Variants in CFAP299 observed in about 807,000 individuals in gnomAD.
CFAP299 encodes the protein cilia- and flagella-associated protein 299.
In CFAP299, 21 loss-of-function variants were observed where a neutral mutation model predicts 27.0. That is an observed-to-expected ratio of 0.78 (90% CI 0.55 to 1.12). The LOEUF is 1.12. Among genes scored for constraint, CFAP299 ranks in the 50% most tolerant of loss-of-function variants. The pLI is 0.00. For missense variants in CFAP299, 310 were observed against 276.6 expected (o/e 1.12, Z -0.86); for synonymous variants, 104 against 98.1 (o/e 1.06, Z -0.36).
intron 3 of CFAP299, among the ~76,000 whole-genome samples, chr4:80,800,207 T>A (rs1284651604): frequency 2.7e-5 from 2 of 73,604 alleles, no homozygotes; most frequent in Non-Finnish European, 4.6e-5. Flanking sequence ...TAATATAATA[T>A]ATAATATATA....
intron 3 of CFAP299, among the ~76,000 whole-genome samples, chr4:80,739,399 T>C (rs1221988715): frequency 1.3e-5 from 2 of 152,194 alleles, no homozygotes; most frequent in African/African-American, 4.8e-5. Context: ...TATTTGTTGA[T>C]GTTTGATGGA....
chr4:80,544,948 A>G (rs1466793772), intron 2 of CFAP299, among the ~76,000 whole-genome samples: 1 of 152,234 alleles, frequency 6.6e-6, no homozygotes, highest in Non-Finnish European at 1.5e-5. Context: ...TCTAAGATCA[A>G]TCATATGCTT....
intron 3 of CFAP299, among the ~76,000 whole-genome samples, chr4:80,864,497 TATAC>T (rs1239733680): frequency 1.2e-4 from 17 of 147,402 alleles, no homozygotes; most frequent in African/African-American, 4.2e-4. Context: ...TACACATATA[TATAC>T]ATATATACCT....
intron 2 of CFAP299, among the ~76,000 whole-genome samples, chr4:80,439,890 G>T (rs915649473): frequency 2.0e-5 from 3 of 152,162 alleles, no homozygotes; most frequent in African/African-American, 7.2e-5. Context: ...CATTACTGAG[G>T]CTTGAGTAAG....
chr4:80,661,025 C>A (rs1740815304), intron 3 of CFAP299, among the ~76,000 whole-genome samples: 2 of 151,786 alleles, frequency 1.3e-5, no homozygotes, highest in South Asian at 4.2e-4. Flanking sequence ...AGTGCTAACT[C>A]CGTTAAAGTG....
intron 2 of CFAP299, among the ~76,000 whole-genome samples, chr4:80,377,169 C>A (rs918051629): frequency 2.6e-5 from 4 of 151,964 alleles, no homozygotes; most frequent in Non-Finnish European, 5.9e-5. Flanking sequence ...TGTATTTCTG[C>A]GTGTCCTATG....
chr4:80,633,176 T>C (rs1577957458), intron 3 of CFAP299, among the ~76,000 whole-genome samples: 1 of 152,140 alleles, frequency 6.6e-6, no homozygotes, highest in African/African-American at 2.4e-5. Context: ...GGGCCGGGTG[T>C]GGTGGCTCAC....
intron 3 of CFAP299, among the ~76,000 whole-genome samples, chr4:80,685,122 G>A (rs1720099990): frequency 6.6e-6 from 1 of 152,136 alleles, no homozygotes; most frequent in South Asian, 2.1e-4. Flanking sequence ...AATACTCTAT[G>A]CAATGCTATC....
At position 80,874,547 on chromosome 4, in the gene CFAP299, C is replaced by G. The variant is rs146074916; in HGVS notation, c.476+4412C>G. 2.1e-3 allele frequency among the ~76,000 whole-genome samples: 327 copies of G among 152,108 alleles called. 2 individuals are homozygous for G. Among genetic ancestry groups the G allele is most frequent in the African/African-American group, 7.5e-3 (313 of 41,498 alleles). ...TTTTGGAGGCTGGAAAATCCAAGAC[C>G]AAGGTGCTGGCAGAATTGCCATTTG... is the stretch of plus-strand genomic sequence containing the variant. On this transcript the variant is annotated intron_variant, in intron 4 of 5. Transcript: ENST00000358105.
chr4:80,405,169 C>T (rs1436505309), intron 2 of CFAP299, among the ~76,000 whole-genome samples: 1 of 152,140 alleles, frequency 6.6e-6, no homozygotes, highest in Non-Finnish European at 1.5e-5. Context: ...GCAAGAACTT[C>T]TGCAGGAAAA....
At chr4:80,531,163 A>T (rs987232385) in intron 2 of CFAP299, among the ~76,000 whole-genome samples, 4 of 152,170 alleles carry the variant, frequency 2.6e-5, no homozygotes, top group African/African-American at 4.8e-5. Context: ...GAGTGACAGG[A>T]GGGTAGAAAT....
intron 3 of CFAP299, among the ~76,000 whole-genome samples, chr4:80,799,425 TATA>T (rs1728124955): frequency 1.1e-5 from 1 of 92,642 alleles, no homozygotes; most frequent in South Asian, 3.4e-4. Context: ...AAGTAATATT[TATA>T]ATATATATAA....
At chr4:80,449,081 C>T (rs950228611) in intron 2 of CFAP299, among the ~76,000 whole-genome samples, 2 of 152,110 alleles carry the variant, frequency 1.3e-5, no homozygotes, top group African/African-American at 2.4e-5. Flanking sequence ...AATACTTTTG[C>T]GGATGGTCTT....
intron 2 of CFAP299, among the ~76,000 whole-genome samples, chr4:80,456,272 C>T (rs1351397733): frequency 1.3e-5 from 2 of 152,016 alleles, no homozygotes; most frequent in African/African-American, 2.4e-5. Flanking sequence ...GTACCTTTCA[C>T]TTTTGAGATA....
chr4:80,906,834 G>A (rs72661739), intron 4 of CFAP299, among the ~76,000 whole-genome samples: 23,857 of 152,038 alleles, frequency 0.16, 2,794 homozygotes, highest in Non-Finnish European at 0.23. Context: ...TTCCCTCCTA[G>A]TCCTCCAGAA....
rs149601687 is a variant in CFAP299 at position 80,484,238 on chromosome 4, C to T, written c.243-98855C>T. On this transcript the variant is annotated intron_variant, in intron 2 of 5. Transcript: ENST00000358105. ...GTGAGTACTTCTAATATTATTTTTC[C>T]GGCCTCTGAATTAGCATATAACTTT... 9.3e-3 allele frequency among the ~76,000 whole-genome samples: 1,416 copies of T among 151,992 alleles called. 11 individuals are homozygous for T. Among genetic ancestry groups the T allele is most frequent in the Middle Eastern group, 0.024 (7 of 294 alleles).
At chr4:80,724,724 C>G (rs756204414) in intron 3 of CFAP299, among the ~76,000 whole-genome samples, 3 of 152,212 alleles carry the variant, frequency 2.0e-5, no homozygotes, top group Non-Finnish European at 2.9e-5. Context: ...ACTCTACCAC[C>G]TCCAATAACT....
At chr4:80,418,788 C>T (rs1384152084) in intron 2 of CFAP299, among the ~76,000 whole-genome samples, 1 of 152,152 alleles carries the variant, frequency 6.6e-6, no homozygotes, top group Non-Finnish European at 1.5e-5. Flanking sequence ...ACATAATGCT[C>T]TCCGTTTACA....
At chr4:80,465,253 CAATT>C (rs1253444395) in intron 2 of CFAP299, among the ~76,000 whole-genome samples, 1 of 152,020 alleles carries the variant, frequency 6.6e-6, no homozygotes, top group African/African-American at 2.4e-5. Context: ...TTGGATAACT[CAATT>C]AAAAATGCTA....
Sources: allele counts gnomAD v4.1 joint callset (sites outside exome capture counted in the v4.1 genomes callset), GRCh38; gene constraint gnomAD v4.1.1; transcripts MANE v1.5; gene names NCBI Gene and HGNC (gene_info 2026-07-23, HGNC 2026-07-21).